GRIP1: variants seen among roughly 807,000 people sequenced by gnomAD.
GRIP1 encodes the protein glutamate receptor-interacting protein 1.
A neutral mutation model predicts 129.9 loss-of-function variants in GRIP1; 45 were observed. The observed-to-expected ratio is 0.35, with a 90% CI of 0.27 to 0.44. The LOEUF is 0.44. Ranked by LOEUF, GRIP1 falls within the 20% of genes least tolerant of loss-of-function variation. GRIP1 has a pLI of 1.00. For missense variants in GRIP1, 1,196 were observed against 1,396.8 expected, an observed-to-expected ratio of 0.86 and a Z score of 2.29; for synonymous variants, 530 against 520.8, an observed-to-expected ratio of 1.02 and a Z score of -0.24.
chr12:66,831,133 T>C (rs1432226280), intron 1 of GRIP1, among the ~76,000 whole-genome samples: 1 of 152,028 alleles, frequency 6.6e-6, no homozygotes, highest in Non-Finnish European at 1.5e-5. Context: ...GTATTACAGG[T>C]GCGAGCTACG....
chr12:67,000,281 C>T (rs1357290108), intron 1 of GRIP1, among the ~76,000 whole-genome samples: 1 of 152,044 alleles, frequency 6.6e-6, no homozygotes, highest in African/African-American at 2.4e-5. Context: ...TATCTAGGAC[C>T]ATATCACATA....
At chr12:67,065,313 T>A (rs984765425) in intron 1 of GRIP1, 20 of 152,116 alleles carry the variant, frequency 1.3e-4, no homozygotes, top group African/African-American at 4.8e-4. Flanking sequence ...CACTCCAGAC[T>A]GGGTGACAAA....
intron 1 of GRIP1, among the ~76,000 whole-genome samples, chr12:66,867,431 A>G (rs1267529609): frequency 6.6e-6 from 1 of 152,136 alleles, no homozygotes; most frequent in Non-Finnish European, 1.5e-5. Context: ...TTAAAAATCT[A>G]TAATTTAAGC....
At chr12:66,595,918 T>C (rs1015471057) in intron 2 of GRIP1, among the ~76,000 whole-genome samples, 10 of 152,192 alleles carry the variant, frequency 6.6e-5, no homozygotes, top group African/African-American at 2.2e-4. Flanking sequence ...TTTATTCAAA[T>C]GGAAAATTCT....
chr12:66,497,090 C>CT (rs2060258097), intron 7 of GRIP1, among the ~76,000 whole-genome samples: 1 of 152,118 alleles, frequency 6.6e-6, no homozygotes, highest in South Asian at 2.1e-4. Flanking sequence ...GTATTTAACA[C>CT]TTTTTTGGTG....
chr12:66,509,875 G>A (rs1027942464), intron 7 of GRIP1, among the ~76,000 whole-genome samples: 33 of 151,928 alleles, frequency 2.2e-4, no homozygotes, highest in Admixed American at 4.6e-4. Context: ...GGGTTGATCC[G>A]TGCAGCAAAC....
chr12:66,419,882 G>A (rs943747090), intron 15 of GRIP1, among the ~76,000 whole-genome samples: 3 of 152,206 alleles, frequency 2.0e-5, no homozygotes, highest in Non-Finnish European at 4.4e-5. Flanking sequence ...GATCACCTGA[G>A]GTCAGGAGTT....
At chr12:66,815,832 C>CTT (rs149373344) in intron 1 of GRIP1, among the ~76,000 whole-genome samples, 1,404 of 36,258 alleles carry the variant, frequency 0.039, 29 homozygotes, top group African/African-American at 0.069. Flanking sequence ...TTCTTTCTTT[C>CTT]TTTCTTTCTT....
chr12:66,819,977 A>C (rs2039289263), intron 1 of GRIP1, among the ~76,000 whole-genome samples: 2 of 152,186 alleles, frequency 1.3e-5, no homozygotes, highest in Non-Finnish European at 2.9e-5. Flanking sequence ...TGAAAGATAA[A>C]AACTCCAGGG....
chr12:66,602,438 A>C (rs895289619), intron 1 of GRIP1, among the ~76,000 whole-genome samples: 2 of 152,170 alleles, frequency 1.3e-5, no homozygotes, highest in Non-Finnish European at 2.9e-5. Flanking sequence ...TCCTGATCCA[A>C]ATAACCCTAT....
intron 14 of GRIP1, among the ~76,000 whole-genome samples, chr12:66,427,573 T>C (rs949423505): frequency 2.0e-5 from 3 of 152,194 alleles, no homozygotes; most frequent in Non-Finnish European, 4.4e-5. Context: ...TGGTTCCCCA[T>C]AGAAACTAAA....
intron 1 of GRIP1, among the ~76,000 whole-genome samples, chr12:66,957,131 G>T (rs897990433): frequency 6.6e-6 from 1 of 151,924 alleles, no homozygotes; most frequent in Non-Finnish European, 1.5e-5. Flanking sequence ...ATTAAAATAC[G>T]GTCACTAGGA....
intron 7 of GRIP1, among the ~76,000 whole-genome samples, chr12:66,487,303 G>A (rs748497903): frequency 3.3e-5 from 5 of 152,188 alleles, no homozygotes; most frequent in Non-Finnish European, 5.9e-5. Context: ...CTACAAGCCA[G>A]AAGAGATTGG....
At position 66,463,101 on chromosome 12, in the gene GRIP1, A is replaced by G. The variant is rs1335851612; in HGVS notation, c.873-8T>C. 3 of 1,612,602 alleles carry G rather than the reference A, an allele frequency of 1.9e-6. No individual in the cohort carries two copies. In the African/African-American group the frequency reaches 4.0e-5, roughly 22 times the overall value. ...ACATGCAATGCGCCACATCTACGGA[A>G]AGGAGAAATACTCGGTAAGAGGCAG... On this transcript the variant is annotated splice_polypyrimidine_tract_variant and splice_region_variant and intron_variant, in intron 8 of 24. Transcript: ENST00000359742.
chr12:66,368,816 A>G (rs1294976962), intron 23 of GRIP1, among the ~76,000 whole-genome samples: 1 of 152,116 alleles, frequency 6.6e-6, no homozygotes, highest in Non-Finnish European at 1.5e-5. Flanking sequence ...ACACACAATT[A>G]CCACTCTTTG....
chr12:66,493,903 G>A (rs2060170156), intron 7 of GRIP1, among the ~76,000 whole-genome samples: 1 of 152,126 alleles, frequency 6.6e-6, no homozygotes, highest in Admixed American at 6.6e-5. Flanking sequence ...CCTCTCTCCT[G>A]AGGAAAGCTG....
intron 1 of GRIP1, among the ~76,000 whole-genome samples, chr12:66,985,114 C>A (rs2042292732): frequency 6.6e-6 from 1 of 152,144 alleles, no homozygotes; most frequent in African/African-American, 2.4e-5. Flanking sequence ...TGCTGGCTGG[C>A]TTCCAAGCAG....
At chr12:66,656,942 T>C (rs965276982) in intron 1 of GRIP1, among the ~76,000 whole-genome samples, 3 of 152,120 alleles carry the variant, frequency 2.0e-5, no homozygotes, top group African/African-American at 7.2e-5. Context: ...CTGGAAACCT[T>C]GCTAATCTCA....
intron 1 of GRIP1, among the ~76,000 whole-genome samples, chr12:66,898,068 G>A (rs756510081): frequency 3.3e-5 from 5 of 152,086 alleles, no homozygotes; most frequent in Non-Finnish European, 7.3e-5. Flanking sequence ...ACCTAAATGC[G>A]TGTCCAAATA....
Sources: gnomAD v4.1 joint callset for allele counts (sites outside exome capture counted in the v4.1 genomes callset) on GRCh38, gnomAD v4.1.1 for gene constraint, MANE v1.5 for transcripts, NCBI Gene and HGNC (gene_info 2026-07-23, HGNC 2026-07-21) for gene names.